UPF2: variants seen among roughly 807,000 people sequenced by gnomAD.
UPF2 encodes UPF2 regulator of nonsense mediated mRNA decay.
Under a neutral mutation model 141.4 loss-of-function variants are expected in UPF2, and 17 were observed. The ratio of observed to expected loss-of-function variants is 0.12; its 90% confidence interval spans 0.08 to 0.18. UPF2 has a LOEUF of 0.18. Among genes scored for constraint, UPF2 ranks in the 10% least tolerant of loss-of-function variants. UPF2 has a pLI of 1.00. For missense variants in UPF2, 1,152 were observed against 1,515.9 expected (o/e 0.76, Z 3.99); for synonymous variants, 540 against 498.0 (o/e 1.08, Z -1.12).
At chr10:11,972,158 T>C (rs952267355) in intron 9 of UPF2, among the ~76,000 whole-genome samples, 6 of 152,036 alleles carry the variant, frequency 3.9e-5, no homozygotes, top group Non-Finnish European at 5.9e-5. Context: ...CATTTATCAC[T>C]TTCCTACAGA....
chr10:11,956,605 T>C lies in UPF2; in HGVS notation c.2371-82A>G. 7.6e-7 allele frequency: 1 copy of C among 1,313,760 alleles called. No individual in the cohort carries two copies. Among genetic ancestry groups the C allele is most frequent in the Non-Finnish European group, 1.1e-6 (1 of 942,048 alleles). The allele number at this position is 1,313,760 out of a possible 1,614,324, so 81.4% of individuals were successfully genotyped here. A position where few individuals can be genotyped will look rare whatever the true frequency, so the allele number is the denominator to read the frequency against. On this transcript the variant is annotated intron_variant, in intron 12 of 21. Transcript: ENST00000357604. The surrounding 1 kb of genome is among the most constrained non-coding windows in gnomAD (Gnocchi z 4.2). Reference sequence around the variant, plus strand: ...AATAATACAGAAATTTTGCTATGATTGCGCAGAGAACTTTTGAAATAGAAA... The same window carrying C: ...AATAATACAGAAATTTTGCTATGATCGCGCAGAGAACTTTTGAAATAGAAA...
intron 1 of UPF2, among the ~76,000 whole-genome samples, chr10:12,041,884 G>A (rs751752743): frequency 1.3e-5 from 2 of 152,150 alleles, no homozygotes; most frequent in Admixed American, 1.3e-4. Flanking sequence ...TTCGTGTCGT[G>A]TAAGTCCTCT....
intron 21 of UPF2, among the ~76,000 whole-genome samples, chr10:11,924,740 C>CCA (rs1832690524): frequency 1.3e-5 from 2 of 152,258 alleles, no homozygotes; most frequent in South Asian, 4.2e-4. Context: ...CAGGCGTGAG[C>CCA]CACTGCTCCT....
chr10:11,968,143 C>T (rs1230609972), intron 9 of UPF2, among the ~76,000 whole-genome samples: 6 of 152,046 alleles, frequency 3.9e-5, no homozygotes, highest in African/African-American at 1.4e-4. Flanking sequence ...CATGCCACTG[C>T]ACTCCAGCCT....
At chr10:12,002,463 AT>A (rs1174471921) in intron 5 of UPF2, among the ~76,000 whole-genome samples, 2 of 152,202 alleles carry the variant, frequency 1.3e-5, no homozygotes, top group African/African-American at 4.8e-5. Context: ...GTGGACTCAC[AT>A]TAAAAAGCGT....
Position 11,939,378 on chromosome 10 carries a change from C to G in UPF2, c.3379-2666G>C, listed in dbSNP as rs1261982662. On this transcript the variant is annotated intron_variant, in intron 18 of 21. Coordinates refer to ENST00000357604, the MANE Select transcript of UPF2 (RefSeq NM_015542.4). This position sits in a 1 kb window ranked among gnomAD's most constrained non-coding sequence, Gnocchi z 4.8. ...CGTCAACTTTATTTTTGTTTATTGTCTGTTTTCCCTTAACTGATTTGCAAC... is the reference window on the plus strand; with the variant it reads ...CGTCAACTTTATTTTTGTTTATTGTGTGTTTTCCCTTAACTGATTTGCAAC... Among the ~76,000 whole-genome samples the G allele has an allele frequency of 1.3e-5, 2 of 152,118 alleles. No homozygotes were observed. Among genetic ancestry groups the G allele is most frequent in the African/African-American group, 4.8e-5 (2 of 41,426 alleles).
chr10:11,950,628 C>A (rs1256910725), intron 15 of UPF2, among the ~76,000 whole-genome samples: 8 of 152,338 alleles, frequency 5.3e-5, no homozygotes, highest in African/African-American at 1.9e-4. Context: ...AATATTTACT[C>A]ATGTCCACTA....
At chr10:11,923,668 C>T (rs1010704477) in intron 21 of UPF2, among the ~76,000 whole-genome samples, 8 of 105,962 alleles carry the variant, frequency 7.5e-5, no homozygotes, top group African/African-American at 2.5e-4. Context: ...GAGACCCCAT[C>T]TCAAAAAAAA....
Position 11,939,440 on chromosome 10 carries a change from G to A in UPF2, c.3379-2728C>T, listed in dbSNP as rs151003946. Among the ~76,000 whole-genome samples, 236 of 151,254 alleles carry A rather than the reference G, an allele frequency of 1.6e-3. 1 individual carries two copies. The highest frequency in any genetic ancestry group is 5.3e-3 in the African/African-American group (218 of 41,278). ...CATATTACTAAACGGTCATGTTTTGGGTCTATTTTGGATTCTTCTCCATTT... is the reference window on the plus strand; with the variant it reads ...CATATTACTAAACGGTCATGTTTTGAGTCTATTTTGGATTCTTCTCCATTT... On this transcript the variant is annotated intron_variant, in intron 18 of 21. Coordinates refer to ENST00000357604, the MANE Select transcript of UPF2 (RefSeq NM_015542.4). This position sits in a 1 kb window ranked among gnomAD's most constrained non-coding sequence, Gnocchi z 4.8.
Position 11,998,386 on chromosome 10 carries a change from G to A in UPF2, c.1759-629C>T. On this transcript the variant is annotated intron_variant, in intron 7 of 21. Transcript: ENST00000357604. This position sits in a 1 kb window ranked among gnomAD's most constrained non-coding sequence, Gnocchi z 4.5. ...TTATCTAGATGACCATTACCACCTG[G>A]ACAGACTTTTTTCTGAGACAAGGTC... 6.6e-6 allele frequency among the ~76,000 whole-genome samples: 1 copy of A among 151,964 alleles called. No individual in the cohort carries two copies. Among genetic ancestry groups the A allele is most frequent in the Non-Finnish European group, 1.5e-5 (1 of 67,980 alleles).
At chr10:11,969,897 A>T (rs1039802486) in intron 9 of UPF2, among the ~76,000 whole-genome samples, 1 of 152,252 alleles carries the variant, frequency 6.6e-6, no homozygotes, top group East Asian at 1.9e-4. Flanking sequence ...AGTGCTTTGG[A>T]CCAGTAAGGG....
rs1463898835 is a variant in UPF2 at position 12,028,820 on chromosome 10, T to C, written c.1070A>G (p.Lys357Arg). ...EKQQPFQNLL[K>R]EYFTSLTKHL... ...TTTGGTCAAAGACGTAAAGTACTCTTTTAAAAGATTCTGGAAGGGCTGTTG... is the reference window on the plus strand; with the variant it reads ...TTTGGTCAAAGACGTAAAGTACTCTCTTAAAAGATTCTGGAAGGGCTGTTG... Residue 357 changes from lysine to arginine, a missense_variant, in exon 3 of 22, where the codon AAA (lysine) becomes AGA (arginine). Lys to Arg is a conservative substitution (Grantham distance 26, BLOSUM62 2). This residue lies in a region of UPF2 where 739 missense variants were observed against 1,032.2 expected (regional missense o/e 0.72). Coordinates refer to ENST00000357604, the MANE Select transcript of UPF2 (RefSeq NM_015542.4). 7.4e-6 allele frequency: 12 copies of C among 1,614,162 alleles called. No homozygotes were observed. The highest frequency in any genetic ancestry group is 1.0e-5 in the Non-Finnish European group (12 of 1,180,012).
Position 11,921,237 on chromosome 10 carries a change from G to C in UPF2, c.*61C>G. On this transcript the variant is annotated 3_prime_UTR_variant, in exon 22 of 22. Transcript: ENST00000357604. This position sits in a 1 kb window ranked among gnomAD's most constrained non-coding sequence, Gnocchi z 5.9. ...GTCCACTGCTCTCATTCAATTGCTG[G>C]AGGACTCCACTAACCACAACATCAG... 1 of 1,610,446 alleles carries C rather than the reference G, an allele frequency of 6.2e-7. No individual in the cohort carries two copies.
intron 13 of UPF2, among the ~76,000 whole-genome samples, 197 bp from the exon 14 acceptor site, chr10:11,955,704 T>C (rs1329045933): frequency 5.3e-5 from 8 of 152,222 alleles, no homozygotes; most frequent in Non-Finnish European, 1.0e-4. Flanking sequence ...TTAAAGTGTT[T>C]TCATAAAAAG....
chr10:11,985,752 T>A (rs903288414), intron 8 of UPF2, among the ~76,000 whole-genome samples: 2 of 151,968 alleles, frequency 1.3e-5, no homozygotes, highest in African/African-American at 4.8e-5. Context: ...GTCACATCAG[T>A]CACATTAAAG....
chr10:12,040,430 A>G (rs1834715881), intron 1 of UPF2, among the ~76,000 whole-genome samples: 1 of 151,810 alleles, frequency 6.6e-6, no homozygotes, highest in Admixed American at 6.6e-5. Flanking sequence ...CAAGAAAAAC[A>G]AAAAACAAAA....
At chr10:11,961,034 G>C (rs1833232228) in intron 11 of UPF2, among the ~76,000 whole-genome samples, 1 of 149,014 alleles carries the variant, frequency 6.7e-6, no homozygotes, top group Non-Finnish European at 1.5e-5. Flanking sequence ...AGGCTGCAGT[G>C]AGCTATAATC....
chr10:11,997,198 C>CA (rs1447622206), intron 8 of UPF2, among the ~76,000 whole-genome samples: 1 of 152,046 alleles, frequency 6.6e-6, no homozygotes, highest in East Asian at 1.9e-4. Flanking sequence ...ATATGATTTC[C>CA]AATTCTATCC....
chr10:12,012,856 A>G (rs962728239), intron 4 of UPF2, among the ~76,000 whole-genome samples: 3 of 150,468 alleles, frequency 2.0e-5, no homozygotes. Flanking sequence ...ATTGAATAAG[A>G]GCCTGGGTGC....
Sources: allele counts gnomAD v4.1 joint callset (sites outside exome capture counted in the v4.1 genomes callset), GRCh38; gene constraint gnomAD v4.1.1; regional missense constraint gnomAD v4.1.1; non-coding constraint Gnocchi (gnomAD v3.1); transcripts MANE v1.5; gene names NCBI Gene and HGNC (gene_info 2026-07-23, HGNC 2026-07-21).